Variants in PLPP6 observed in about 807,000 individuals in gnomAD.
PLPP6 encodes the protein polyisoprenoid diphosphate/phosphate phosphohydrolase PLPP6.
Under a neutral mutation model 16.5 loss-of-function variants are expected in PLPP6, and 16 were observed. That is an observed-to-expected ratio of 0.97 (90% confidence interval 0.66 to 1.47). The LOEUF is 1.47. Among genes scored for constraint, PLPP6 ranks in the 40% most tolerant of loss-of-function variants. The pLI, the probability that PLPP6 is intolerant of heterozygous loss-of-function variation, is 0.00. For missense variants in PLPP6, 512 were observed against 396.6 expected (o/e 1.29, Z -2.47); for synonymous variants, 226 against 188.1 (o/e 1.20, Z -1.65).
rs1277802640 is a variant in PLPP6 at position 4,664,598 on chromosome 9, G to A, written c.*1335G>A. The A allele has an allele frequency of 6.0e-6, 1 of 167,078 alleles. No homozygotes were observed. The highest frequency in any genetic ancestry group is 2.4e-5 in the African/African-American group (1 of 41,468). 10.3% of individuals were successfully genotyped at this position (167,078 alleles called of 1,614,324 possible). ...GACCCAGAAAGACTGGAGAAGGTATGTGCTTTAAGTGCTGCTCTACCTGAA... is the reference window on the plus strand; with the variant it reads ...GACCCAGAAAGACTGGAGAAGGTATATGCTTTAAGTGCTGCTCTACCTGAA... On this transcript the variant is annotated 3_prime_UTR_variant, in exon 1 of 1. Coordinates refer to ENST00000381883, the MANE Select transcript of PLPP6 (RefSeq NM_203453.5).
Position 4,662,873 on chromosome 9 carries a change from G to T in PLPP6, c.498G>T (p.Leu166=). The T allele has an allele frequency of 6.2e-7, 1 of 1,606,260 alleles. No homozygotes were observed. The highest frequency in any genetic ancestry group is 1.3e-5 in the African/African-American group (1 of 75,066). ...RSDSWAGREV[L]MNLLFALLLD... Reference sequence around the variant, plus strand: ...ACAGCTGGGCCGGGCGCGAGGTGCTGATGAACCTGCTCTTCGCCCTGCTGT... The same window carrying T: ...ACAGCTGGGCCGGGCGCGAGGTGCTTATGAACCTGCTCTTCGCCCTGCTGT... Residue 166 remains leucine, a synonymous_variant, in exon 1 of 1, where the codon CTG becomes CTT. Transcript: ENST00000381883. This position sits in a 1 kb window ranked among gnomAD's most constrained non-coding sequence, Gnocchi z 4.9.
Position 4,663,483 on chromosome 9 carries a change from T to C in PLPP6, c.*220T>C. ...GAAAGCAAAAAAACCCAAAAAATCC[T>C]CTATTGTATATTTATTCAACAACTG... On this transcript the variant is annotated 3_prime_UTR_variant, in exon 1 of 1. Coordinates refer to ENST00000381883, the MANE Select transcript of PLPP6 (RefSeq NM_203453.5). The C allele has an allele frequency of 1.8e-6, 1 of 544,948 alleles. No homozygotes were observed. Among genetic ancestry groups the C allele is most frequent in the Non-Finnish European group, 3.3e-6 (1 of 299,854 alleles). The allele number at this position is 544,948 out of a possible 1,614,324, so 33.8% of individuals were successfully genotyped here.
Position 4,662,841 on chromosome 9 carries a change from A to C in PLPP6, c.466A>C (p.Arg156=), listed in dbSNP as rs1029766930. Residue 156 remains arginine, a synonymous_variant, in exon 1 of 1, where the codon AGG becomes CGG. Coordinates refer to ENST00000381883, the MANE Select transcript of PLPP6 (RefSeq NM_203453.5). The surrounding 1 kb of genome is among the most constrained non-coding windows in gnomAD (Gnocchi z 4.9). Reference sequence around the variant, plus strand: ...GCTGGGCACCCTCTACTGCCTGTGCAGGAGCGACAGCTGGGCCGGGCGCGA... The same window carrying C: ...GCTGGGCACCCTCTACTGCCTGTGCCGGAGCGACAGCTGGGCCGGGCGCGA... The part of the protein sequence containing the change: ...WLLGTLYCLC[R]SDSWAGREVL... The C allele has an allele frequency of 2.5e-6, 4 of 1,605,248 alleles. No homozygotes were observed. Among genetic ancestry groups the C allele is most frequent in the Non-Finnish European group, 3.4e-6 (4 of 1,179,948 alleles).
chr9:4,662,515 G>T lies in PLPP6; in HGVS notation c.140G>T (p.Arg47Leu). ...GAGTTCCAGTCCCTGCTCAGCAGCCGCGCCACGGCCGTGGACCCCACCTGC... is the reference window on the plus strand; with the variant it reads ...GAGTTCCAGTCCCTGCTCAGCAGCCTCGCCACGGCCGTGGACCCCACCTGC... ...RFEFQSLLSS[R>L]ATAVDPTCAR... Residue 47 changes from arginine (R) to leucine (L), a missense_variant, in exon 1 of 1, where the codon CGC (arginine) becomes CTC (leucine). Arg to Leu is a moderately radical substitution (Grantham distance 102, BLOSUM62 -2). Coordinates refer to ENST00000381883, the MANE Select transcript of PLPP6 (RefSeq NM_203453.5). This position sits in a 1 kb window ranked among gnomAD's most constrained non-coding sequence, Gnocchi z 4.9. 1 of 1,559,990 alleles carries T rather than the reference G, an allele frequency of 6.4e-7. No homozygotes were observed. Among genetic ancestry groups the T allele is most frequent in the South Asian group, 1.2e-5 (1 of 85,164 alleles).
Position 4,662,499 on chromosome 9 carries a change from T to C in PLPP6, c.124T>C (p.Ser42Pro). ...CGGCGGCAGCAGGTTTGAGTTCCAG[T>C]CCCTGCTCAGCAGCCGCGCCACGGC... ...GGGGSRFEFQ[S>P]LLSSRATAVD... Residue 42 changes from serine to proline, a missense_variant, in exon 1 of 1, where the codon TCC becomes CCC. Physicochemically the swap from Ser to Pro is moderately conservative, Grantham distance 74. Coordinates refer to ENST00000381883, the MANE Select transcript of PLPP6 (RefSeq NM_203453.5). The surrounding 1 kb of genome is among the most constrained non-coding windows in gnomAD (Gnocchi z 4.9). 1.3e-6 allele frequency: 2 copies of C among 1,559,670 alleles called. No individual in the cohort carries two copies. Among genetic ancestry groups the C allele is most frequent in the Non-Finnish European group, 1.7e-6 (2 of 1,162,196 alleles).
chr9:4,663,098 G>C lies in PLPP6; in HGVS notation c.723G>C (p.Leu241=). ...LAIPLRVLVV[L]WAFVLGLSRV... is the part of the protein sequence containing the mutation. Reference sequence around the variant, plus strand: ...TTCCACTGAGGGTGCTGGTGGTTCTGTGGGCCTTCGTCTTGGGCCTATCCA... The same window carrying C: ...TTCCACTGAGGGTGCTGGTGGTTCTCTGGGCCTTCGTCTTGGGCCTATCCA... Residue 241 remains leucine (L), a synonymous_variant, in exon 1 of 1, where the codon CTG becomes CTC. Coordinates refer to ENST00000381883, the MANE Select transcript of PLPP6 (RefSeq NM_203453.5). 6.2e-7 allele frequency: 1 copy of C among 1,614,130 alleles called. No individual in the cohort carries two copies. The highest frequency in any genetic ancestry group is 2.2e-5 in the East Asian group (1 of 44,870).
In PLPP6 at chr9:4,662,454, C is replaced by G. The variant is rs1484231147; in HGVS notation, c.79C>G (p.Pro27Ala). ...ASSSSSSPGSPAHGGGGGGSR... is the reference protein window; with the variant it reads ...ASSSSSSPGSAAHGGGGGGSR... The stretch of plus-strand genomic sequence containing the variant: ...GAGCAGCAGCAGCAGCCCCGGCAGC[C>G]CAGCCCATGGCGGCGGTGGCGGCGG... The change falls in exon 1 of 1, where the codon CCA (proline) becomes GCA (alanine). Residue 27 changes from proline (P) to alanine (A), a missense_variant. Physicochemically the swap from Pro to Ala is conservative, Grantham distance 27. Transcript: ENST00000381883. This position sits in a 1 kb window ranked among gnomAD's most constrained non-coding sequence, Gnocchi z 4.9. 2 of 1,547,060 alleles carry G rather than the reference C, an allele frequency of 1.3e-6. No homozygotes were observed. Among genetic ancestry groups the G allele is most frequent in the Non-Finnish European group, 1.7e-6 (2 of 1,155,432 alleles).
Position 4,662,769 on chromosome 9 carries a change from C to A in PLPP6, c.394C>A (p.Pro132Thr), listed in dbSNP as rs759141287. 1.8e-5 allele frequency: 29 copies of A among 1,604,942 alleles called. No individual in the cohort carries two copies. The highest frequency in any genetic ancestry group is 1.9e-5 in the Non-Finnish European group (22 of 1,179,948). Residue 132 changes from proline to threonine, a missense_variant, in exon 1 of 1, where the codon CCC (proline) becomes ACC (threonine). Transcript: ENST00000381883. The surrounding 1 kb of genome is among the most constrained non-coding windows in gnomAD (Gnocchi z 4.9). ...GAGCTCGTCGTGGGGCAGCGTGCGA[C>A]CCCTTATGAAGCTGCTGGAGATCTC... ...GESSSWGSVR[P>T]LMKLLEISGH...
In PLPP6 at chr9:4,663,134, G is replaced by A. The variant is rs1840271303; in HGVS notation, c.759G>A (p.Leu253=). The A allele has an allele frequency of 6.2e-7, 1 of 1,614,138 alleles. No individual in the cohort carries two copies. The highest frequency in any genetic ancestry group is 2.2e-5 in the East Asian group (1 of 44,872). Residue 253 remains leucine (L), a synonymous_variant, in exon 1 of 1, where the codon CTG becomes CTA. Coordinates refer to ENST00000381883, the MANE Select transcript of PLPP6 (RefSeq NM_203453.5). ...AFVLGLSRVM[L]GRHNVTDVAF... is the part of the protein sequence containing the mutation. ...TCTTGGGCCTATCCAGGGTCATGCT[G>A]GGGCGGCACAATGTCACCGACGTAG...
At position 4,664,875 on chromosome 9, in the gene PLPP6, GACTACCTCTTC is replaced by G. The variant is rs1222491121; in HGVS notation, c.*1616_*1626del. The G allele has an allele frequency of 6.0e-6, 1 of 167,012 alleles. No individual in the cohort carries two copies. The highest frequency in any genetic ancestry group is 2.4e-5 in the African/African-American group (1 of 41,412). The allele number at this position is 167,012 out of a possible 1,614,324, so 10.3% of individuals were successfully genotyped here. A position where few individuals can be genotyped will look rare whatever the true frequency, so the allele number is the denominator to read the frequency against. ...GCATTCCCACAGCATCCTGAATACC[GACTACCTCTTC>G]ACTTGCTAAAGCAGCTAAACTGTGA... is the stretch of plus-strand genomic sequence containing the variant. On this transcript the variant is annotated 3_prime_UTR_variant, in exon 1 of 1. Coordinates refer to ENST00000381883, the MANE Select transcript of PLPP6 (RefSeq NM_203453.5).
Position 4,662,471 on chromosome 9 carries a change from T to TGGCGGCGGC in PLPP6, c.97_105dup (p.Gly33_Gly35dup). 1 of 1,549,368 alleles carries TGGCGGCGGC rather than the reference T, an allele frequency of 6.5e-7. No homozygotes were observed. Among genetic ancestry groups the TGGCGGCGGC allele is most frequent in the Non-Finnish European group, 8.6e-7 (1 of 1,157,038 alleles). ...CCGGCAGCCCAGCCCATGGCGGCGG[T>TGGCGGCGGC]GGCGGCGGCAGCAGGTTTGAGTTCC... On this transcript the variant is annotated inframe_insertion, in exon 1 of 1. Coordinates refer to ENST00000381883, the MANE Select transcript of PLPP6 (RefSeq NM_203453.5). The surrounding 1 kb of genome is among the most constrained non-coding windows in gnomAD (Gnocchi z 4.9).
rs1178330822 is a variant in PLPP6, at chr9:4,663,219, C to A, written c.844C>A (p.Pro282Thr). The A allele has an allele frequency of 6.2e-7, 1 of 1,614,128 alleles. No homozygotes were observed. The highest frequency in any genetic ancestry group is 1.1e-5 in the South Asian group (1 of 91,078). Residue 282 changes from proline to threonine, a missense_variant, in exon 1 of 1, where the codon CCC becomes ACC. Pro to Thr is a conservative substitution (Grantham distance 38). Transcript: ENST00000381883. ...YSIVDYCWLS[P>T]HNAPVLFLLW... Reference sequence around the variant, plus strand: ...CATCGTGGACTATTGCTGGCTCTCACCCCATAATGCTCCGGTCCTCTTTTT... The same window carrying A: ...CATCGTGGACTATTGCTGGCTCTCAACCCATAATGCTCCGGTCCTCTTTTT...
Position 4,662,921 on chromosome 9 carries a change from G to C in PLPP6, c.546G>C (p.Leu182Phe). 1.2e-6 allele frequency: 2 copies of C among 1,610,408 alleles called. No individual in the cohort carries two copies. The highest frequency in any genetic ancestry group is 1.7e-6 in the Non-Finnish European group (2 of 1,179,954). Reference protein sequence around the residue: ...ALLLDLLLVALIKGLVRRRRP... With the variant: ...ALLLDLLLVAFIKGLVRRRRP... ...TGTTGGACCTGCTGCTGGTGGCCTT[G>C]ATCAAAGGGCTGGTCCGCAGGCGCC... Residue 182 changes from leucine to phenylalanine, a missense_variant, in exon 1 of 1, where the codon TTG becomes TTC. Physicochemically the swap from Leu to Phe is conservative, Grantham distance 22 (BLOSUM62 0). Coordinates refer to ENST00000381883, the MANE Select transcript of PLPP6 (RefSeq NM_203453.5). This position sits in a 1 kb window ranked among gnomAD's most constrained non-coding sequence, Gnocchi z 4.9.
chr9:4,663,289 G>A lies in PLPP6; in HGVS notation c.*26G>A. 1 of 1,599,076 alleles carries A rather than the reference G, an allele frequency of 6.3e-7. No homozygotes were observed. The highest frequency in any genetic ancestry group is 8.5e-7 in the Non-Finnish European group (1 of 1,170,126). On this transcript the variant is annotated 3_prime_UTR_variant, in exon 1 of 1. Coordinates refer to ENST00000381883, the MANE Select transcript of PLPP6 (RefSeq NM_203453.5). ...CACCATCTCATTGATTATGGCACCA[G>A]GAAGTCTGAAGGTTTCCACATTCGA...
Position 4,663,126 on chromosome 9 carries a change from G to T in PLPP6, c.751G>T (p.Val251Phe). Reference protein sequence around the residue: ...LWAFVLGLSRVMLGRHNVTDV... With the variant: ...LWAFVLGLSRFMLGRHNVTDV... Reference sequence around the variant, plus strand: ...GGCCTTCGTCTTGGGCCTATCCAGGGTCATGCTGGGGCGGCACAATGTCAC... The same window carrying T: ...GGCCTTCGTCTTGGGCCTATCCAGGTTCATGCTGGGGCGGCACAATGTCAC... Residue 251 changes from valine to phenylalanine, a missense_variant, in exon 1 of 1, where the codon GTC (valine) becomes TTC (phenylalanine). By Grantham distance (50) the Val-to-Phe change is conservative. Transcript: ENST00000381883. The T allele has an allele frequency of 6.2e-7, 1 of 1,614,098 alleles. No homozygotes were observed. Among genetic ancestry groups the T allele is most frequent in the East Asian group, 2.2e-5 (1 of 44,872 alleles).
Position 4,662,380 on chromosome 9 carries a change from C to G in PLPP6, c.5C>G (p.Pro2Arg), listed in dbSNP as rs756992431. The change falls in exon 1 of 1, where the codon CCA becomes CGA. Residue 2 changes from proline (P) to arginine (R), a missense_variant. Physicochemically the swap from Pro to Arg is moderately radical, Grantham distance 103. Coordinates refer to ENST00000381883, the MANE Select transcript of PLPP6 (RefSeq NM_203453.5). This position sits in a 1 kb window ranked among gnomAD's most constrained non-coding sequence, Gnocchi z 4.9. ...GGATCCGGGCCGCCAGCTGCGATGC[C>G]AAGTCCCCGGAGGAGCATGGAGGGA... M[P>R]SPRRSMEGRP... The G allele has an allele frequency of 1.3e-6, 2 of 1,516,172 alleles. No homozygotes were observed. Among genetic ancestry groups the G allele is most frequent in the Admixed American group, 2.1e-5 (1 of 47,090 alleles). 93.9% of individuals were successfully genotyped at this position (1,516,172 alleles called of 1,614,324 possible).
At position 4,662,326 on chromosome 9, in the gene PLPP6, A is replaced by T; in HGVS notation, c.-50A>T. 2.1e-6 allele frequency: 3 copies of T among 1,447,754 alleles called. 1 individual carries two copies. The highest frequency in any genetic ancestry group is 2.9e-5 in the South Asian group (2 of 69,954). 89.7% of individuals were successfully genotyped at this position (1,447,754 alleles called of 1,614,324 possible). A position where few individuals can be genotyped will look rare whatever the true frequency, so the allele number is the denominator to read the frequency against. The stretch of plus-strand genomic sequence containing the variant: ...AAGCGGAAGAGGCTGCAGGGCCGGG[A>T]AGCCTCTGTTTGGTCCGGCCAGGTC... On this transcript the variant is annotated 5_prime_UTR_variant, in exon 1 of 1. Coordinates refer to ENST00000381883, the MANE Select transcript of PLPP6 (RefSeq NM_203453.5). The surrounding 1 kb of genome is among the most constrained non-coding windows in gnomAD (Gnocchi z 4.9).
chr9:4,664,951 G>A lies in PLPP6; in HGVS notation c.*1688G>A, dbSNP rs1028212348. On this transcript the variant is annotated 3_prime_UTR_variant, in exon 1 of 1. Transcript: ENST00000381883. ...TGGGTTTGTTGTTTAACCTTAGCGA[G>A]ATCCTTTAACTGCAGCAATATTCAA... 6.0e-6 allele frequency: 1 copy of A among 167,102 alleles called. No homozygotes were observed. The highest frequency in any genetic ancestry group is 2.4e-5 in the African/African-American group (1 of 41,456). 10.4% of individuals were successfully genotyped at this position (167,102 alleles called of 1,614,324 possible).
At position 4,664,047 on chromosome 9, in the gene PLPP6, G is replaced by C. The variant is rs1840472653; in HGVS notation, c.*784G>C. The stretch of plus-strand genomic sequence containing the variant: ...TCACTTAAAAGGTAGGCATATCTAA[G>C]ATGCTCATAGAAGAGGAAGAATGGG... On this transcript the variant is annotated 3_prime_UTR_variant, in exon 1 of 1. Transcript: ENST00000381883. 6.0e-6 allele frequency: 1 copy of C among 167,108 alleles called. No homozygotes were observed. Among genetic ancestry groups the C allele is most frequent in the Non-Finnish European group, 1.5e-5 (1 of 68,130 alleles). 10.4% of individuals were successfully genotyped at this position (167,108 alleles called of 1,614,324 possible).
Sources: allele counts gnomAD v4.1 joint callset, GRCh38; gene constraint gnomAD v4.1.1; non-coding constraint Gnocchi (gnomAD v3.1); transcripts MANE v1.5; gene names NCBI Gene and HGNC (gene_info 2026-07-23, HGNC 2026-07-21).